AOPEP: variants seen among roughly 807,000 people sequenced by gnomAD.
The protein encoded by AOPEP is aminopeptidase O (putative), also known as aminopeptidase O.
A neutral mutation model predicts 98.1 loss-of-function variants in AOPEP; 77 were observed. The ratio of observed to expected loss-of-function variants is 0.78; its 90% CI spans 0.65 to 0.95. AOPEP has a LOEUF of 0.95. Ranked by LOEUF, AOPEP falls within the 40% of genes least tolerant of loss-of-function variation. The probability of loss-of-function intolerance (pLI) is 0.00; values close to 1 mark genes in which losing one functional copy is unlikely to be tolerated. For missense variants in AOPEP, 1,024 were observed against 1,024.7 expected (o/e 1.00, Z 0.01); for synonymous variants, 346 against 365.3 (o/e 0.95, Z 0.60).
chr9:94,791,503 CAA>C (rs34364751), intron 3 of AOPEP, among the ~76,000 whole-genome samples: 12 of 136,964 alleles, frequency 8.8e-5, no homozygotes, highest in African/African-American at 1.1e-4. Flanking sequence ...ACCTGTCTCT[CAA>C]AAAAAAAAAA....
intron 10 of AOPEP, among the ~76,000 whole-genome samples, chr9:94,973,861 C>T (rs935718804): frequency 4.6e-5 from 7 of 152,104 alleles, no homozygotes; most frequent in South Asian, 4.1e-4. Flanking sequence ...TTGTCTGTTG[C>T]GATTATTTAA....
intron 13 of AOPEP, among the ~76,000 whole-genome samples, chr9:95,041,304 A>T (rs2133572497): frequency 6.6e-6 from 1 of 152,214 alleles, no homozygotes; most frequent in African/African-American, 2.4e-5. Context: ...GCCTTATGAG[A>T]AGATGGATTT....
chr9:94,948,651 A>G (rs2057868762), intron 7 of AOPEP, among the ~76,000 whole-genome samples: 1 of 152,098 alleles, frequency 6.6e-6, no homozygotes, highest in Non-Finnish European at 1.5e-5. Context: ...CCTCACCTGG[A>G]CTTGGAATGG....
At chr9:94,870,281 C>T (rs10993379) in intron 5 of AOPEP, among the ~76,000 whole-genome samples, 3,555 of 152,128 alleles carry the variant, frequency 0.023, 82 homozygotes, top group East Asian at 0.088. Flanking sequence ...TGAGCCACCG[C>T]GCCCAGCTGA....
chr9:95,126,501 T>C, the AOPEP span: 1 of 1,605,082 alleles, frequency 6.2e-7, no homozygotes, highest in African/African-American at 1.3e-5. Context: ...TTTACATCAA[T>C]TACTAGAAGA....
At chr9:95,134,877 A>G in the AOPEP span, among the ~76,000 whole-genome samples, 5 of 152,262 alleles carry the variant, frequency 3.3e-5, no homozygotes, top group Non-Finnish European at 5.9e-5. Flanking sequence ...GCCTCACACC[A>G]AAAGAAAACT....
intron 1 of AOPEP, among the ~76,000 whole-genome samples, chr9:94,731,744 G>C (rs1453088550): frequency 6.7e-6 from 1 of 148,388 alleles, no homozygotes; most frequent in Non-Finnish European, 1.5e-5. Flanking sequence ...ACTCTTAGAA[G>C]GTTTTTTTTC....
chr9:94,792,717 C>T (rs1846007451), intron 3 of AOPEP, 48 bp from the exon 4 acceptor site: 3 of 1,502,694 alleles, frequency 2.0e-6, no homozygotes, highest in Non-Finnish European at 1.8e-6. Flanking sequence ...CAGCAGAGCC[C>T]AGGATCATAT....
chr9:94,816,718 G>C (rs993496215), intron 5 of AOPEP, among the ~76,000 whole-genome samples: 8 of 152,104 alleles, frequency 5.3e-5, no homozygotes, highest in Non-Finnish European at 1.2e-4. Flanking sequence ...GGGAGGAGCA[G>C]GGAGTGCTAG....
chr9:95,123,649 C>T, the AOPEP span: 1 of 624,700 alleles, frequency 1.6e-6, no homozygotes, highest in Non-Finnish European at 3.1e-6. Context: ...TCATTGGAAA[C>T]ACAGTGGAGG....
chr9:94,760,199 G>A lies in AOPEP; in HGVS notation c.416G>A (p.Ser139Asn), dbSNP rs1837937127. ...KYCCDTGNHG[S>N]EDFLLVLDCC... Reference sequence around the variant, plus strand: ...TGCTGTGACACAGGGAATCATGGGAGTGAGGATTTTTTGCTAGTGTTGGAC... The same window carrying A: ...TGCTGTGACACAGGGAATCATGGGAATGAGGATTTTTTGCTAGTGTTGGAC... Residue 139 changes from serine (S) to asparagine (N), a missense_variant, in exon 2 of 17, where the codon AGT (serine) becomes AAT (asparagine). By Grantham distance (46) the Ser-to-Asn change is conservative (BLOSUM62 1). Transcript: ENST00000375315. 6.2e-7 allele frequency: 1 copy of A among 1,614,206 alleles called. No individual in the cohort carries two copies. The highest frequency in any genetic ancestry group is 1.1e-5 in the South Asian group (1 of 91,084).
intron 11 of AOPEP, among the ~76,000 whole-genome samples, chr9:94,989,736 T>C (rs2060772152): frequency 6.6e-6 from 1 of 151,370 alleles, no homozygotes; most frequent in South Asian, 2.1e-4. Context: ...CTCAGCCTCC[T>C]GAGTAGCTGG....
chr9:94,930,510 C>G lies in AOPEP; in HGVS notation c.1661+1979C>G, dbSNP rs2055112635. 6.6e-6 allele frequency among the ~76,000 whole-genome samples: 1 copy of G among 152,128 alleles called. No individual in the cohort carries two copies. Among genetic ancestry groups the G allele is most frequent in the African/African-American group, 2.4e-5 (1 of 41,430 alleles). On this transcript the variant is annotated intron_variant, in intron 7 of 16. Transcript: ENST00000375315. The surrounding 1 kb of genome is among the most constrained non-coding windows in gnomAD (Gnocchi z 4.5). ...ATTCAGCCTATAAAACCCTTTAAAT[C>G]TTGAACACAGTGAAATCCTCAGGGA...
the AOPEP span, chr9:95,111,336 C>T: frequency 6.3e-7 from 1 of 1,597,760 alleles, no homozygotes; most frequent in Non-Finnish European, 8.5e-7. Flanking sequence ...GTTGCCATGA[C>T]ATATGCCATC....
intron 5 of AOPEP, among the ~76,000 whole-genome samples, chr9:94,916,638 A>G (rs1438092253): frequency 1.1e-4 from 16 of 151,064 alleles, no homozygotes. Context: ...CGGGAGGTGG[A>G]GGTTGCAGTA....
intron 1 of AOPEP, among the ~76,000 whole-genome samples, chr9:94,729,575 T>TA (rs1666626656): frequency 1.9e-5 from 2 of 105,052 alleles, no homozygotes. Flanking sequence ...GACACTGTCT[T>TA]TAAAAAAAAA....
At chr9:94,773,365 G>A (rs1841315957) in intron 3 of AOPEP, 197 bp downstream of exon 3, 1 of 464,354 alleles carries the variant, frequency 2.2e-6, no homozygotes, top group Non-Finnish European at 3.9e-6. Context: ...TGGGATTTGG[G>A]GCTCTTCATA....
intron 5 of AOPEP, among the ~76,000 whole-genome samples, chr9:94,862,571 T>G (rs909746218): frequency 1.3e-5 from 2 of 152,196 alleles, no homozygotes; most frequent in African/African-American, 4.8e-5. Flanking sequence ...CCCTTGAGGA[T>G]GCTCAGCCAG....
At chr9:94,830,819 T>C (rs1221172662) in intron 5 of AOPEP, among the ~76,000 whole-genome samples, 1 of 152,358 alleles carries the variant, frequency 6.6e-6, no homozygotes, top group African/African-American at 2.4e-5. Flanking sequence ...TTGAGCTTTT[T>C]TTCATGTTTG....
Sources: allele counts gnomAD v4.1 joint callset (sites outside exome capture counted in the v4.1 genomes callset), GRCh38; gene constraint gnomAD v4.1.1; non-coding constraint Gnocchi (gnomAD v3.1); transcripts MANE v1.5; gene names NCBI Gene and HGNC (gene_info 2026-07-23, HGNC 2026-07-21).